SLCO4C1: variants seen among roughly 807,000 people sequenced by gnomAD.
SLCO4C1 encodes organic anion transporter M1.
Under a neutral mutation model 72.1 loss-of-function variants are expected in SLCO4C1, and 58 were observed. The observed-to-expected ratio is 0.80, with a 90% CI of 0.65 to 1.00. The LOEUF is 1.00. Among genes scored for constraint, SLCO4C1 ranks in the 50% least tolerant of loss-of-function variants. The pLI is 0.00. For synonymous variants in SLCO4C1, 297 were observed against 312.5 expected (o/e 0.95, Z 0.52); for missense variants, 898 against 857.9 (o/e 1.05, Z -0.58).
intron 8 of SLCO4C1, among the ~76,000 whole-genome samples, chr5:102,252,269 A>G (rs1157674476): frequency 6.6e-6 from 1 of 152,186 alleles, no homozygotes; most frequent in Non-Finnish European, 1.5e-5. Context: ...ACTGTGTTGG[A>G]AAATGATGAC....
intron 2 of SLCO4C1, among the ~76,000 whole-genome samples, chr5:102,271,096 G>A (rs768059747): frequency 4.6e-5 from 7 of 151,822 alleles, no homozygotes; most frequent in Admixed American, 1.3e-4. Context: ...ACACATTTAC[G>A]TGTTGTATAC....
chr5:102,262,825 T>A (rs1748966396), intron 4 of SLCO4C1, among the ~76,000 whole-genome samples: 1 of 152,166 alleles, frequency 6.6e-6, no homozygotes, highest in Non-Finnish European at 1.5e-5. Context: ...AATTCAAGAG[T>A]TCTTCTGCAT....
chr5:102,237,755 A>C (rs1386373317), intron 12 of SLCO4C1, among the ~76,000 whole-genome samples: 1 of 152,202 alleles, frequency 6.6e-6, no homozygotes, highest in Non-Finnish European at 1.5e-5. Context: ...GACAGAAAAT[A>C]ATTCTAAAAA....
chr5:102,257,003 G>A, intron 8 of SLCO4C1, 112 bp downstream of exon 8: 2 of 764,060 alleles, frequency 2.6e-6, no homozygotes, highest in Non-Finnish European at 1.9e-6. Flanking sequence ...AGGAAAAAAG[G>A]TCTTCCAAAT....
chr5:102,266,809 C>A (rs189799913), intron 3 of SLCO4C1, among the ~76,000 whole-genome samples: 3 of 152,120 alleles, frequency 2.0e-5, no homozygotes, highest in East Asian at 3.9e-4. Flanking sequence ...TCCTTTTATA[C>A]CTAATTTCTT....
intron 12 of SLCO4C1, 148 bp from the exon 13 acceptor site, chr5:102,237,166 A>G: frequency 1.2e-6 from 1 of 817,992 alleles, no homozygotes; most frequent in East Asian, 2.8e-5. Flanking sequence ...TGAAACATTA[A>G]GGGGAAAGAA....
intron 5 of SLCO4C1, among the ~76,000 whole-genome samples, chr5:102,261,488 T>A (rs1318332201): frequency 2.7e-5 from 4 of 150,028 alleles, no homozygotes; most frequent in African/African-American, 9.8e-5. Context: ...CGCTACGGAA[T>A]GACTTCAGTG....
At chr5:102,269,625 T>C (rs1191830660) in intron 3 of SLCO4C1, among the ~76,000 whole-genome samples, 1 of 152,182 alleles carries the variant, frequency 6.6e-6, no homozygotes, top group Non-Finnish European at 1.5e-5. Context: ...CTGAGTTCCC[T>C]TGATATCGTA....
Position 102,270,843 on chromosome 5 carries a change from C to T in SLCO4C1, c.620-37G>A, listed in dbSNP as rs751903097. On this transcript the variant is annotated intron_variant, in intron 2 of 12. Coordinates refer to ENST00000310954, the MANE Select transcript of SLCO4C1 (RefSeq NM_180991.5). The stretch of plus-strand genomic sequence containing the variant: ...AAAAAATTGTGAATTTATAGAAATT[C>T]AGCTAATAATTTAAATTTCTATCAT... The T allele has an allele frequency of 4.1e-5, 60 of 1,466,604 alleles. 1 individual carries two copies. The highest frequency in any genetic ancestry group is 3.5e-4 in the South Asian group (25 of 71,628). 90.8% of individuals were successfully genotyped at this position (1,466,604 alleles called of 1,614,324 possible). A position where few individuals can be genotyped will look rare whatever the true frequency, so the allele number is the denominator to read the frequency against.
At chr5:102,245,192 G>C (rs1396558935) in intron 10 of SLCO4C1, among the ~76,000 whole-genome samples, 1 of 148,308 alleles carries the variant, frequency 6.7e-6, no homozygotes, top group Non-Finnish European at 1.5e-5. Context: ...TTACTTGTTT[G>C]TTTTATCAAT....
At chr5:102,256,319 T>C (rs1177565105) in intron 8 of SLCO4C1, among the ~76,000 whole-genome samples, 1 of 152,254 alleles carries the variant, frequency 6.6e-6, no homozygotes, top group Admixed American at 6.5e-5. Flanking sequence ...CAAATCATGA[T>C]GATTGTCATT....
chr5:102,252,998 T>C (rs577152102), intron 8 of SLCO4C1, among the ~76,000 whole-genome samples: 1 of 152,194 alleles, frequency 6.6e-6, no homozygotes, highest in East Asian at 1.9e-4. Context: ...TCTATAATTA[T>C]GCCTCTATAA....
rs1748412983 is a variant in SLCO4C1 at position 102,235,299 on chromosome 5, T to C, written c.*1559A>G. 2 of 152,228 alleles carry C rather than the reference T, an allele frequency of 1.3e-5. No individual in the cohort carries two copies. The highest frequency in any genetic ancestry group is 4.8e-5 in the African/African-American group (2 of 41,464). The allele number at this position is 152,228 out of a possible 1,614,324, so 9.4% of individuals were successfully genotyped here. On this transcript the variant is annotated 3_prime_UTR_variant, in exon 13 of 13. Transcript: ENST00000310954. Reference sequence around the variant, plus strand: ...GAAAATTAACCTAGGAGAAAGCTTATAGGGGAAACCTGATGATGAATTTTA... The same window carrying C: ...GAAAATTAACCTAGGAGAAAGCTTACAGGGGAAACCTGATGATGAATTTTA...
rs116920471 is a variant in SLCO4C1 at position 102,240,729 on chromosome 5, A to G, written c.1865T>C (p.Leu622Pro). Residue 622 changes from leucine (L) to proline (P), a missense_variant, in exon 11 of 13, where the codon CTT becomes CCT. Physicochemically the swap from Leu to Pro is moderately conservative, Grantham distance 98 (BLOSUM62 -3). Transcript: ENST00000310954. ...GAAAAATGGCATACCTAATAATCGAAGGACCATAAATTGTATTCCCAAGGC... is the reference window on the plus strand; with the variant it reads ...GAAAAATGGCATACCTAATAATCGAGGGACCATAAATTGTATTCCCAAGGC... ...SLALGIQFMV[L>P]RLLGTIPGPI... is the part of the protein sequence containing the mutation. The G allele has an allele frequency of 1.2e-6, 2 of 1,611,208 alleles. No individual in the cohort carries two copies. Among genetic ancestry groups the G allele is most frequent in the East Asian group, 4.5e-5 (2 of 44,706 alleles).
At chr5:102,292,077 G>A (rs1331429752) in intron 1 of SLCO4C1, among the ~76,000 whole-genome samples, 1 of 152,016 alleles carries the variant, frequency 6.6e-6, no homozygotes, top group African/African-American at 2.4e-5. Context: ...CACCCGCCTC[G>A]GACTCCCAAA....
chr5:102,291,715 G>A (rs1554059674), intron 1 of SLCO4C1, 109 bp from the exon 2 acceptor site: 2 of 921,472 alleles, frequency 2.2e-6, no homozygotes, highest in South Asian at 3.1e-5. Context: ...TTCTTAAAAT[G>A]TACCAGTTTT....
intron 10 of SLCO4C1, among the ~76,000 whole-genome samples, chr5:102,245,457 A>T (rs562446859): frequency 6.6e-6 from 1 of 152,298 alleles, no homozygotes; most frequent in Non-Finnish European, 1.5e-5. Context: ...AAGTCACTAT[A>T]TAATGATCAA....
At chr5:102,262,072 C>A (rs561508119) in intron 4 of SLCO4C1, 39 bp from the exon 5 acceptor site, 4 of 1,569,296 alleles carry the variant, frequency 2.5e-6, no homozygotes, top group African/African-American at 2.7e-5. Flanking sequence ...GTCAACTCTA[C>A]CTTATTAATT....
chr5:102,279,818 C>T (rs1250687242), intron 2 of SLCO4C1, among the ~76,000 whole-genome samples: 2 of 151,784 alleles, frequency 1.3e-5, no homozygotes, highest in Non-Finnish European at 2.9e-5. Context: ...AGAAAAAAAT[C>T]GCATGATCAT....
Sources: gnomAD v4.1 joint callset for allele counts (sites outside exome capture counted in the v4.1 genomes callset) on GRCh38, gnomAD v4.1.1 for gene constraint, MANE v1.5 for transcripts, NCBI Gene and HGNC (gene_info 2026-07-23, HGNC 2026-07-21) for gene names.